ARRB1: variants seen among roughly 807,000 people sequenced by gnomAD.
ARRB1 encodes the protein beta-arrestin-1.
Under a neutral mutation model 56.8 loss-of-function variants are expected in ARRB1, and 21 were observed. The observed-to-expected ratio is 0.37, with a 90% confidence interval of 0.26 to 0.53. ARRB1 has a LOEUF of 0.53. Among genes scored for constraint, ARRB1 ranks in the 20% least tolerant of loss-of-function variants. The pLI is 0.88. For missense variants in ARRB1, 424 were observed against 553.7 expected (o/e 0.77, Z 2.35); for synonymous variants, 210 against 218.6 (o/e 0.96, Z 0.35).
chr11:75,284,292 CAG>C lies in ARRB1; in HGVS notation c.113-15_113-14del. ...AGGACCACACCATCTGGGGAAAGGA[CAG>C]AGAGTAAGCGGCCTCTCCCAACCTG... On this transcript the variant is annotated splice_polypyrimidine_tract_variant and intron_variant, in intron 3 of 15. Coordinates refer to ENST00000420843, the MANE Select transcript of ARRB1 (RefSeq NM_004041.5). 6.2e-7 allele frequency: 1 copy of C among 1,606,404 alleles called. No individual in the cohort carries two copies. Among genetic ancestry groups the C allele is most frequent in the South Asian group, 1.1e-5 (1 of 90,076 alleles).
intron 1 of ARRB1, among the ~76,000 whole-genome samples, chr11:75,292,536 A>T (rs1283999201): frequency 6.6e-6 from 1 of 152,224 alleles, no homozygotes; most frequent in African/African-American, 2.4e-5. Flanking sequence ...TACAGATCAC[A>T]AGGTTTGAAG....
At position 75,274,244 on chromosome 11, in the gene ARRB1, C is replaced by T. The variant is rs747489653; in HGVS notation, c.777-33G>A. 1.2e-5 allele frequency: 19 copies of T among 1,611,468 alleles called. 1 individual carries two copies. The Admixed American group carries it at 2.3e-4, about 20-fold the overall frequency. On this transcript the variant is annotated intron_variant, in intron 10 of 15. Transcript: ENST00000420843. ...GAAAGGAAGCAGCTGTGGAGATGGC[C>T]CTCCCCAGAGCCAACCCCAGCCCTG...
chr11:75,310,091 C>T (rs2140480062), intron 1 of ARRB1, among the ~76,000 whole-genome samples: 1 of 152,318 alleles, frequency 6.6e-6, no homozygotes, highest in African/African-American at 2.4e-5. Context: ...AAGCTCAAGC[C>T]ATCTGATCCC....
intron 14 of ARRB1, among the ~76,000 whole-genome samples, chr11:75,268,650 G>T (rs775731547): frequency 1.7e-4 from 26 of 151,498 alleles, no homozygotes; most frequent in Admixed American, 5.9e-4. Context: ...GAGGCTCAAA[G>T]CATGGCCAAT....
chr11:75,268,868 A>C, intron 14 of ARRB1, 21 bp downstream of exon 14: 1 of 1,606,272 alleles, frequency 6.2e-7, no homozygotes, highest in Non-Finnish European at 8.5e-7. Context: ...CCTACCCCAG[A>C]GACCTACAGA....
intron 1 of ARRB1, among the ~76,000 whole-genome samples, chr11:75,309,293 G>C (rs1380269408): frequency 6.6e-6 from 1 of 152,254 alleles, no homozygotes; most frequent in Non-Finnish European, 1.5e-5. Context: ...GCCTCTCTGA[G>C]GGCACCTATT....
intron 1 of ARRB1, among the ~76,000 whole-genome samples, chr11:75,301,819 C>G (rs1460705457): frequency 6.6e-6 from 1 of 152,284 alleles, no homozygotes; most frequent in East Asian, 1.9e-4. Flanking sequence ...TCCCAGCCCT[C>G]CCTGTGTCAG....
At chr11:75,276,756 C>A in intron 10 of ARRB1, 83 bp downstream of exon 10, 1 of 1,437,990 alleles carries the variant, frequency 7.0e-7, no homozygotes, top group Non-Finnish European at 9.7e-7. Flanking sequence ...AGAAGAGCCA[C>A]CTGGACCTGT....
chr11:75,329,221 C>T (rs1215113926), intron 1 of ARRB1, among the ~76,000 whole-genome samples: 2 of 151,948 alleles, frequency 1.3e-5, no homozygotes, highest in Admixed American at 1.3e-4. Flanking sequence ...CCACCTCAGC[C>T]GCCTGAGTAG....
intron 2 of ARRB1, among the ~76,000 whole-genome samples, chr11:75,288,217 A>G (rs889776680): frequency 6.6e-6 from 1 of 152,198 alleles, no homozygotes; most frequent in Non-Finnish European, 1.5e-5. Flanking sequence ...TGTACAACAC[A>G]ATGTTTTAAA....
chr11:75,269,947 C>A (rs1946038662), intron 13 of ARRB1, among the ~76,000 whole-genome samples: 1 of 152,238 alleles, frequency 6.6e-6, no homozygotes. Context: ...TGCCTACAGG[C>A]ACAAGCCACA....
intron 1 of ARRB1, among the ~76,000 whole-genome samples, chr11:75,324,184 G>A (rs1239895338): frequency 6.6e-6 from 1 of 152,186 alleles, no homozygotes; most frequent in Non-Finnish European, 1.5e-5. Flanking sequence ...AAAGATAACT[G>A]TTAGTTCTTT....
intron 1 of ARRB1, among the ~76,000 whole-genome samples, chr11:75,295,800 A>T (rs1946728575): frequency 6.6e-6 from 1 of 152,208 alleles, no homozygotes; most frequent in Non-Finnish European, 1.5e-5. Context: ...TACATGACAG[A>T]TGTGTAGCAT....
intron 1 of ARRB1, among the ~76,000 whole-genome samples, chr11:75,313,394 G>A (rs922594841): frequency 2.7e-4 from 41 of 152,266 alleles, no homozygotes; most frequent in Non-Finnish European, 1.0e-4. Context: ...CAGGTCCTTC[G>A]GGAATCTCTA....
chr11:75,338,714 C>T (rs968539164), intron 1 of ARRB1, among the ~76,000 whole-genome samples: 1 of 152,094 alleles, frequency 6.6e-6, no homozygotes, highest in African/African-American at 2.4e-5. Context: ...GAACAGTCAG[C>T]GCAGGGAGAA....
intron 1 of ARRB1, among the ~76,000 whole-genome samples, chr11:75,348,523 G>T (rs1947805231): frequency 6.6e-6 from 1 of 152,152 alleles, no homozygotes; most frequent in African/African-American, 2.4e-5. Context: ...TTTGTTGAAT[G>T]AATATATGAT....
Position 75,272,184 on chromosome 11 carries a change from A to G in ARRB1, c.999-460T>C, listed in dbSNP as rs148653153. Among the ~76,000 whole-genome samples the G allele has an allele frequency of 3.9e-5, 6 of 152,386 alleles. No homozygotes were observed. In the East Asian group the frequency reaches 1.2e-3, roughly 29 times the overall value. On this transcript the variant is annotated intron_variant, in intron 12 of 15. Transcript: ENST00000420843. ...TACATACTGCCACCTGCCAAGAGGC[A>G]TTCTTCTAATAATCAAGGAGACCCA...
rs1440870610 is a variant in ARRB1, at chr11:75,262,665, G to C, written c.*3498C>G. Among the ~76,000 whole-genome samples, 1 of 152,220 alleles carries C rather than the reference G, an allele frequency of 6.6e-6. No individual in the cohort carries two copies. The highest frequency in any genetic ancestry group is 1.5e-5 in the Non-Finnish European group (1 of 68,036). ...CTCATAACAATTCCTGCGTCAGGCA[G>C]GGAAGGGATTACAATCCCATTTTAC... On this transcript the variant is annotated 3_prime_UTR_variant, in exon 16 of 16. Transcript: ENST00000420843.
chr11:75,320,091 C>T, intron 1 of ARRB1, among the ~76,000 whole-genome samples: 1 of 152,208 alleles, frequency 6.6e-6, no homozygotes, highest in East Asian at 1.9e-4. Context: ...GCAGCCTCTT[C>T]TCCCAGGAGA....
Sources: gnomAD v4.1 joint callset for allele counts (sites outside exome capture counted in the v4.1 genomes callset) on GRCh38, gnomAD v4.1.1 for gene constraint, MANE v1.5 for transcripts, NCBI Gene and HGNC (gene_info 2026-07-23, HGNC 2026-07-21) for gene names.